The following GRID1 variants were observed in gnomAD, a reference collection of about 807,000 sequenced individuals.
The protein encoded by GRID1 is glutamate ionotropic receptor delta type subunit 1.
Under a neutral mutation model 98.0 loss-of-function variants are expected in GRID1, and 28 were observed. The ratio of observed to expected loss-of-function variants is 0.29; its 90% CI spans 0.21 to 0.39. GRID1 has a LOEUF of 0.39. Among genes scored for constraint, GRID1 ranks in the 10% least tolerant of loss-of-function variants. The pLI is 1.00. For missense variants in GRID1, 1,111 were observed against 1,340.5 expected (o/e 0.83, Z 2.67); for synonymous variants, 553 against 538.5 (o/e 1.03, Z -0.37).
intron 12 of GRID1, among the ~76,000 whole-genome samples, chr10:85,704,989 T>A (rs904671247): frequency 2.6e-5 from 4 of 152,180 alleles, no homozygotes; most frequent in African/African-American, 9.7e-5. Context: ...GGGAAATTTA[T>A]AGCACTAAAT....
intron 8 of GRID1, among the ~76,000 whole-genome samples, chr10:85,805,551 A>G (rs1309918942): frequency 6.6e-6 from 1 of 151,944 alleles, no homozygotes; most frequent in Non-Finnish European, 1.5e-5. Context: ...AATGTTTACC[A>G]AGGCAGTAAA....
At chr10:85,603,875 C>T (rs1406829399) in intron 15 of GRID1, among the ~76,000 whole-genome samples, 1 of 152,164 alleles carries the variant, frequency 6.6e-6, no homozygotes, top group East Asian at 1.9e-4. Context: ...GAAAGGAACC[C>T]ATCCCCTGTC....
chr10:86,031,085 C>T (rs950887577), intron 4 of GRID1, among the ~76,000 whole-genome samples: 4 of 152,142 alleles, frequency 2.6e-5, no homozygotes, highest in Non-Finnish European at 5.9e-5. Context: ...TGGTCCTTTC[C>T]GCTTGGAGAC....
chr10:85,745,634 AGTGG>A (rs1841988925), intron 8 of GRID1, among the ~76,000 whole-genome samples: 1 of 139,272 alleles, frequency 7.2e-6, no homozygotes, highest in South Asian at 2.5e-4. Flanking sequence ...ATGACACGTT[AGTGG>A]GTGCAGCGCA....
At chr10:86,196,884 G>A (rs1845881919) in intron 3 of GRID1, among the ~76,000 whole-genome samples, 1 of 152,092 alleles carries the variant, frequency 6.6e-6, no homozygotes, top group East Asian at 1.9e-4. Flanking sequence ...GCTGTAATTG[G>A]TAAACTCAAG....
Position 85,901,241 on chromosome 10 carries a change from T to TTATTTATG in GRID1, c.780+14944_780+14945insCATAAATA, listed in dbSNP as rs1554838769. Among the ~76,000 whole-genome samples the TTATTTATG allele has an allele frequency of 4.5e-3, 680 of 150,904 alleles. 3 individuals carry two copies. The highest frequency in any genetic ancestry group is 0.016 in the African/African-American group (637 of 41,080). On this transcript the variant is annotated intron_variant, in intron 5 of 15. Coordinates refer to ENST00000327946, the MANE Select transcript of GRID1 (RefSeq NM_017551.3). ...ATTTTATTTTATTTTATTTATTTAT[T>TTATTTATG]TATTTATTTATTTATTTATTTTGAG...
chr10:85,704,657 A>G (rs1277393215), intron 12 of GRID1, among the ~76,000 whole-genome samples: 1 of 152,260 alleles, frequency 6.6e-6, no homozygotes, highest in Non-Finnish European at 1.5e-5. Context: ...CCAAATTAAC[A>G]GAATATACAT....
At chr10:86,167,743 A>T (rs1362328519) in intron 3 of GRID1, among the ~76,000 whole-genome samples, 1 of 152,206 alleles carries the variant, frequency 6.6e-6, no homozygotes, top group Middle Eastern at 3.2e-3. Context: ...AGAGACTCTG[A>T]TGTTAGACAC....
chr10:86,111,157 G>T (rs1292054947), intron 4 of GRID1, among the ~76,000 whole-genome samples: 1 of 152,186 alleles, frequency 6.6e-6, no homozygotes, highest in African/African-American at 2.4e-5. Flanking sequence ...ACATGAAGGT[G>T]ATAGAAACTC....
Position 85,600,565 on chromosome 10 carries a change from G to C in GRID1, c.*1708C>G, listed in dbSNP as rs774794166. 6.6e-6 allele frequency: 1 copy of C among 152,230 alleles called. No individual in the cohort carries two copies. Among genetic ancestry groups the C allele is most frequent in the Non-Finnish European group, 1.5e-5 (1 of 68,064 alleles). 9.4% of individuals were successfully genotyped at this position (152,230 alleles called of 1,614,324 possible). A position where few individuals can be genotyped will look rare whatever the true frequency, so the allele number is the denominator to read the frequency against. On this transcript the variant is annotated 3_prime_UTR_variant, in exon 16 of 16. Coordinates refer to ENST00000327946, the MANE Select transcript of GRID1 (RefSeq NM_017551.3). The stretch of plus-strand genomic sequence containing the variant: ...CCATGATCACAGAACCAGGCTCTCA[G>C]CTCCCTGATTACTGCTGGCTGTGGG...
chr10:86,102,070 G>A (rs1442824375), intron 4 of GRID1, among the ~76,000 whole-genome samples: 2 of 152,210 alleles, frequency 1.3e-5, no homozygotes, highest in South Asian at 2.1e-4. Flanking sequence ...GCATAAGTGG[G>A]GACCATCCCT....
chr10:85,981,118 G>A (rs1842539547), intron 4 of GRID1, among the ~76,000 whole-genome samples: 2 of 152,160 alleles, frequency 1.3e-5, no homozygotes, highest in Non-Finnish European at 2.9e-5. Flanking sequence ...AGAGGCCCAT[G>A]AGCACAGAGA....
chr10:85,953,011 A>G (rs1032761773), intron 4 of GRID1, among the ~76,000 whole-genome samples: 1 of 152,076 alleles, frequency 6.6e-6, no homozygotes, highest in African/African-American at 2.4e-5. Flanking sequence ...TCTTTTCTCT[A>G]TTGTAAGAGT....
At chr10:85,851,893 T>A (rs1843061557) in intron 8 of GRID1, among the ~76,000 whole-genome samples, 2 of 151,932 alleles carry the variant, frequency 1.3e-5, no homozygotes. Context: ...ATCCTCAATT[T>A]TTTTCTCCCT....
At chr10:85,946,730 C>T (rs1842058185) in intron 4 of GRID1, among the ~76,000 whole-genome samples, 2 of 152,112 alleles carry the variant, frequency 1.3e-5, no homozygotes, top group Admixed American at 6.5e-5. Context: ...AAATTGTCTT[C>T]AGTTTCATTT....
At chr10:85,890,786 GAGAA>G (rs1468987041) in intron 5 of GRID1, among the ~76,000 whole-genome samples, 1 of 151,950 alleles carries the variant, frequency 6.6e-6, no homozygotes, top group Non-Finnish European at 1.5e-5. Context: ...AGAAGGAAGA[GAGAA>G]AGAAAAAGGG....
In GRID1 at chr10:85,825,579, G is replaced by A. The variant is rs113125533; in HGVS notation, c.1233+28917C>T. Among the ~76,000 whole-genome samples the A allele has an allele frequency of 4.5e-3, 678 of 152,188 alleles. 2 individuals are homozygous for A. Among genetic ancestry groups the A allele is most frequent in the African/African-American group, 0.015 (631 of 41,526 alleles). Reference sequence around the variant, plus strand: ...AATACTGAAACTTTTCAGTGTTAGTGTGGAAAAGGTAAAAGAATAATTTAT... The same window carrying A: ...AATACTGAAACTTTTCAGTGTTAGTATGGAAAAGGTAAAAGAATAATTTAT... On this transcript the variant is annotated intron_variant, in intron 8 of 15. Transcript: ENST00000327946.
chr10:86,021,160 T>C (rs1478150924), intron 4 of GRID1, among the ~76,000 whole-genome samples: 1 of 152,186 alleles, frequency 6.6e-6, no homozygotes, highest in East Asian at 1.9e-4. Flanking sequence ...CAATTGCAGG[T>C]GTGATTTAAG....
At chr10:85,893,373 T>A (rs963316754) in intron 5 of GRID1, among the ~76,000 whole-genome samples, 1 of 152,122 alleles carries the variant, frequency 6.6e-6, no homozygotes, top group African/African-American at 2.4e-5. Context: ...TGCTGGAGGT[T>A]CTAGTCAGGG....
Sources: gnomAD v4.1 joint callset for allele counts (sites outside exome capture counted in the v4.1 genomes callset) on GRCh38, gnomAD v4.1.1 for gene constraint, MANE v1.5 for transcripts, NCBI Gene and HGNC (gene_info 2026-07-23, HGNC 2026-07-21) for gene names.